The following PRCD variants were observed in gnomAD, a reference collection of about 807,000 sequenced individuals.
The protein encoded by PRCD is photoreceptor disc component.
A neutral mutation model predicts 10.1 loss-of-function variants in PRCD; 12 were observed. The ratio of observed to expected loss-of-function variants is 1.18; its 90% CI spans 0.76 to 1.92. The LOEUF (loss-of-function observed/expected upper bound fraction) is 1.92. PRCD is among the 40% of genes most tolerant of loss of function. The probability of loss-of-function intolerance (pLI) is 0.00; values close to 1 mark genes in which losing one functional copy is unlikely to be tolerated. For missense variants in PRCD, 61 were observed against 72.2 expected (o/e 0.84, Z 0.56); for synonymous variants, 31 against 26.2 (o/e 1.18, Z -0.56).
At chr17:76,538,714 T>G (rs2074952049), upstream of PRCD, among the ~76,000 whole-genome samples, 1 of 152,120 alleles carries the variant, frequency 6.6e-6, no homozygotes, top group African/African-American at 2.4e-5. Flanking sequence ...TCCAGGGCAG[T>G]GTGAGATTGG....
intron 2 of PRCD, 83 bp from the exon 3 acceptor site, chr17:76,542,470 A>C: frequency 6.6e-7 from 1 of 1,508,414 alleles, no homozygotes; most frequent in Admixed American, 1.7e-5. Flanking sequence ...ATTGATAGGG[A>C]TGGGAGGAGG....
At chr17:76,527,781 G>A (rs2074784654), upstream of PRCD, 1 of 453,912 alleles carries the variant, frequency 2.2e-6, no homozygotes, top group African/African-American at 2.0e-5. Flanking sequence ...CTCCCCCAGT[G>A]CGGTCATCCC....
chr17:76,538,410 C>T, upstream of PRCD: 1 of 425,688 alleles, frequency 2.3e-6, no homozygotes, highest in South Asian at 1.7e-5. Flanking sequence ...CAGAGGCCTG[C>T]GCCCCCTCTC....
chr17:76,535,017 A>G (rs2143108699), intron 1 of PRCD, among the ~76,000 whole-genome samples: 1 of 152,326 alleles, frequency 6.6e-6, no homozygotes, highest in African/African-American at 2.4e-5. Flanking sequence ...CTTCCAAGAG[A>G]GCCTGAAATA....
chr17:76,531,784 C>T lies in PRCD; in HGVS notation n.45+3951C>T, dbSNP rs892690557. ...GATAGTGGGGGCTGAAGAAGTGGAC[C>T]GCAGTGCTCCCCACCCCCGCACCGT... On this transcript the variant is annotated intron_variant and non_coding_transcript_variant, in intron 1 of 4. Coordinates refer to the PRCD transcript ENST00000397633. This position sits in a 1 kb window ranked among gnomAD's most constrained non-coding sequence, Gnocchi z 7.4. 17 of 1,026,046 alleles carry T rather than the reference C, an allele frequency of 1.7e-5. No homozygotes were observed. The highest frequency in any genetic ancestry group is 5.0e-5 in the East Asian group (2 of 40,024). The allele number at this position is 1,026,046 out of a possible 1,614,324, so 63.6% of individuals were successfully genotyped here.
upstream of PRCD, chr17:76,538,554 G>A (rs1270464667): frequency 2.2e-6 from 1 of 463,618 alleles, no homozygotes; most frequent in East Asian, 7.5e-5. Context: ...TGGTGGCGGA[G>A]GAAGTCCAGA....
chr17:76,549,142 A>T (rs2075083397), downstream of PRCD, among the ~76,000 whole-genome samples: 2 of 152,252 alleles, frequency 1.3e-5, no homozygotes, highest in Admixed American at 6.5e-5. Context: ...GACTTTATCA[A>T]AATTAAACCT....
intron 1 of PRCD, chr17:76,551,923 G>A (rs2075112241): frequency 6.6e-6 from 1 of 151,752 alleles, no homozygotes; most frequent in Admixed American, 6.6e-5. Context: ...GGGGGGTGGG[G>A]GATAATGACA....
chr17:76,547,896 GAC>G (rs913507320), downstream of PRCD, among the ~76,000 whole-genome samples: 20 of 140,974 alleles, frequency 1.4e-4, no homozygotes, highest in Non-Finnish European at 1.8e-4. Context: ...CATACACACA[GAC>G]ACACATAACA....
chr17:76,529,938 C>G, intron 1 of PRCD: 1 of 985,268 alleles, frequency 1.0e-6, no homozygotes, highest in Non-Finnish European at 1.2e-6. Context: ...GGAGCCAGCC[C>G]GGGGCCAGTG....
chr17:76,532,045 G>A (rs2074850897), intron 1 of PRCD: 1 of 198,988 alleles, frequency 5.0e-6, no homozygotes, highest in African/African-American at 2.3e-5. Context: ...GGAATCATGA[G>A]TTGATCTGAA....
At chr17:76,552,864 C>CAAAAAAAAAAA in intron 1 of PRCD, 1 of 85,856 alleles carries the variant, frequency 1.2e-5, no homozygotes, top group Non-Finnish European at 2.3e-5. Flanking sequence ...AGCTCTGTCT[C>CAAAAAAAAAAA]AAAAAAAAAA....
chr17:76,553,294 A>G (rs2075128751), exon 2 of PRCD: 1 of 152,226 alleles, frequency 6.6e-6, no homozygotes, highest in Non-Finnish European at 1.5e-5. Context: ...AGCAAAGGGA[A>G]TAGACTTACC....
upstream of PRCD, chr17:76,537,679 G>C: frequency 1.3e-6 from 1 of 797,570 alleles, no homozygotes; most frequent in Non-Finnish European, 1.5e-6. Context: ...GAGGGAGGGA[G>C]CGTGTGTCTG....
Position 76,540,509 on chromosome 17 carries a change from C to T in PRCD, c.79C>T (p.Pro27Ser), listed in dbSNP as rs2074978281. Residue 27 changes from proline to serine, a missense_variant, in exon 2 of 5, where the codon CCC (proline) becomes TCC (serine). Pro to Ser is a moderately conservative substitution (Grantham distance 74). Transcript: ENST00000592014. This position sits in a 1 kb window ranked among gnomAD's most constrained non-coding sequence, Gnocchi z 5.0. ...CCCTACTCTTGCCTCCCACAGAGAG[C>T]CCAGCGACGTGGATGGGGCAGCTAG... ...RRFANRVQPE[P>S]SDVDGAARGS... 1 of 1,613,508 alleles carries T rather than the reference C, an allele frequency of 6.2e-7. No individual in the cohort carries two copies. Among genetic ancestry groups the T allele is most frequent in the East Asian group, 2.2e-5 (1 of 44,852 alleles).
chr17:76,534,368 G>C (rs576428458), intron 1 of PRCD, among the ~76,000 whole-genome samples: 1 of 152,206 alleles, frequency 6.6e-6, no homozygotes, highest in South Asian at 2.1e-4. Context: ...TAGTAGAGAC[G>C]GGGTTTCGCC....
At chr17:76,537,145 G>T (rs935899088), upstream of PRCD, among the ~76,000 whole-genome samples, 10 of 152,248 alleles carry the variant, frequency 6.6e-5, no homozygotes, top group African/African-American at 2.4e-4. Context: ...AGGCCGGGGA[G>T]AGGAGGGGGA....
chr17:76,552,476 G>T (rs989130044), intron 1 of PRCD, among the ~76,000 whole-genome samples: 3 of 152,024 alleles, frequency 2.0e-5, no homozygotes, highest in African/African-American at 7.3e-5. Flanking sequence ...TGGGATTACA[G>T]GCGTGAGCCA....
In PRCD at chr17:76,544,031, C is replaced by A. The variant is rs1249474974; in HGVS notation, c.*381C>A. The A allele has an allele frequency of 1.5e-5, 7 of 455,036 alleles. No homozygotes were observed. The highest frequency in any genetic ancestry group is 1.4e-4 in the African/African-American group (7 of 50,004). The allele number at this position is 455,036 out of a possible 1,614,324, so 28.2% of individuals were successfully genotyped here. ...TCAATTTGCTGATGCTCAGTCCCGG[C>A]GGCTGCCTCCTTTGCCCCCAGCTGC... On this transcript the variant is annotated 3_prime_UTR_variant, in exon 5 of 5. Transcript: ENST00000592014.
Sources: gnomAD v4.1 joint callset for allele counts (sites outside exome capture counted in the v4.1 genomes callset) on GRCh38, gnomAD v4.1.1 for gene constraint, Gnocchi (gnomAD v3.1) non-coding constraint, MANE v1.5 for transcripts, NCBI Gene and HGNC (gene_info 2026-07-23, HGNC 2026-07-21) for gene names.